Variants in PTPRD observed in about 807,000 individuals in gnomAD.
PTPRD encodes protein tyrosine phosphatase receptor type D.
Under a neutral mutation model 214.5 loss-of-function variants are expected in PTPRD, and 34 were observed. That is an observed-to-expected ratio of 0.16 (90% CI 0.12 to 0.21). PTPRD has a LOEUF of 0.21. PTPRD is among the 10% of genes least tolerant of loss of function. The probability of loss-of-function intolerance (pLI) is 1.00; values close to 1 mark genes in which losing one functional copy is unlikely to be tolerated. For missense variants in PTPRD, 2,545 were observed against 2,398.7 expected (o/e 1.06, Z -1.27); for synonymous variants, 1,128 against 845.7 (o/e 1.33, Z -5.79).
intron 10 of PTPRD, among the ~76,000 whole-genome samples, chr9:9,082,949 T>A (rs1314286695): frequency 1.3e-5 from 2 of 152,106 alleles, no homozygotes; most frequent in Non-Finnish European, 2.9e-5. Flanking sequence ...ATAGGAAGAA[T>A]CAATATCATG....
chr9:8,624,479 C>T (rs914266457), intron 14 of PTPRD, among the ~76,000 whole-genome samples: 1 of 151,950 alleles, frequency 6.6e-6, no homozygotes, highest in African/African-American at 2.4e-5. Flanking sequence ...TACTATGTGC[C>T]TAGCACTATT....
intron 9 of PTPRD, among the ~76,000 whole-genome samples, chr9:9,387,712 C>T (rs557837835): frequency 6.6e-6 from 1 of 152,210 alleles, no homozygotes; most frequent in Admixed American, 6.5e-5. Flanking sequence ...TCCTTTGTCC[C>T]CCTCTCAGGG....
At chr9:9,008,205 T>TTTTA (rs71317392) in intron 11 of PTPRD, among the ~76,000 whole-genome samples, 11,729 of 121,008 alleles carry the variant, frequency 0.097, 723 homozygotes, top group African/African-American at 0.15. Context: ...CTCCCCTTCA[T>TTTTA]TTTATTTATT....
At chr9:9,902,010 A>G (rs7866139) in intron 5 of PTPRD, among the ~76,000 whole-genome samples, 38,727 of 152,138 alleles carry the variant, frequency 0.25, 5,519 homozygotes, top group East Asian at 0.57. Context: ...TTAGTATCAT[A>G]TGAACTCTTT....
chr9:10,233,606 T>A (rs2099619437), intron 3 of PTPRD, among the ~76,000 whole-genome samples: 1 of 152,056 alleles, frequency 6.6e-6, no homozygotes, highest in Admixed American at 6.6e-5. Flanking sequence ...TTTTTCATTA[T>A]ATTTTACTTG....
intron 3 of PTPRD, among the ~76,000 whole-genome samples, chr9:10,076,140 G>A (rs1311757088): frequency 6.6e-6 from 1 of 152,024 alleles, no homozygotes; most frequent in Admixed American, 6.6e-5. Flanking sequence ...TTAAAGTACT[G>A]TATGTGGCCC....
intron 12 of PTPRD, among the ~76,000 whole-genome samples, chr9:8,663,864 T>A (rs879848617): frequency 4.0e-5 from 6 of 151,448 alleles, no homozygotes; most frequent in Non-Finnish European, 8.8e-5. Context: ...AATTAAAGTG[T>A]AGATATTACC....
chr9:10,553,111 A>G (rs1257111778), intron 2 of PTPRD, among the ~76,000 whole-genome samples: 1 of 152,186 alleles, frequency 6.6e-6, no homozygotes, highest in African/African-American at 2.4e-5. Context: ...TGAGAATCAC[A>G]GAAGCACATC....
chr9:8,318,557 G>T (rs1057491363), intron 45 of PTPRD, among the ~76,000 whole-genome samples: 1 of 152,042 alleles, frequency 6.6e-6, no homozygotes, highest in Admixed American at 6.6e-5. Context: ...CCAGAAGGTA[G>T]CTGGTGCGGC....
intron 8 of PTPRD, among the ~76,000 whole-genome samples, chr9:9,569,885 T>C (rs2085816703): frequency 6.6e-6 from 1 of 151,502 alleles, no homozygotes; most frequent in Non-Finnish European, 1.5e-5. Context: ...TCCAAAGGTG[T>C]GAAGAGGTGA....
At chr9:8,509,960 G>A (rs905418685) in intron 21 of PTPRD, among the ~76,000 whole-genome samples, 10 of 152,144 alleles carry the variant, frequency 6.6e-5, no homozygotes, top group South Asian at 4.2e-4. Flanking sequence ...GAAATGGTTC[G>A]GAGGTTAACT....
At chr9:9,722,495 T>C in intron 7 of PTPRD, among the ~76,000 whole-genome samples, 1 of 152,200 alleles carries the variant, frequency 6.6e-6, no homozygotes, top group Admixed American at 6.5e-5. Flanking sequence ...ATTGTTTCTA[T>C]TTTTTAGCTG....
intron 11 of PTPRD, among the ~76,000 whole-genome samples, chr9:8,900,722 G>A (rs7857074): frequency 0.82 from 124,712 of 152,124 alleles, 51,250 homozygotes; most frequent in East Asian, 0.98. Context: ...AGACAGTCTT[G>A]TTTGTAGTGA....
intron 5 of PTPRD, among the ~76,000 whole-genome samples, chr9:9,775,707 G>T (rs373941450): frequency 6.6e-6 from 1 of 152,126 alleles, no homozygotes; most frequent in Non-Finnish European, 1.5e-5. Context: ...ACTTTGGGAG[G>T]CCAAGGCGGG....
At chr9:8,768,016 G>C (rs990436439) in intron 11 of PTPRD, among the ~76,000 whole-genome samples, 2 of 152,166 alleles carry the variant, frequency 1.3e-5, no homozygotes, top group Non-Finnish European at 2.9e-5. Context: ...CAGAGGGAAA[G>C]AAAATATTTC....
intron 14 of PTPRD, among the ~76,000 whole-genome samples, chr9:8,584,452 GAA>G (rs72547113): frequency 0.016 from 2,253 of 145,354 alleles, 61 homozygotes; most frequent in East Asian, 0.14. Flanking sequence ...ATTAGTTACT[GAA>G]AAAAAAAAAA....
At chr9:8,445,239 G>T (rs942613511) in intron 34 of PTPRD, among the ~76,000 whole-genome samples, 3 of 152,006 alleles carry the variant, frequency 2.0e-5, no homozygotes, top group African/African-American at 7.2e-5. Context: ...ACTAATTCTG[G>T]CTGACCTTGT....
rs1035695839 is a variant in PTPRD at position 10,148,040 on chromosome 9, C to T, written c.-544-114250G>A. ...AGATATCCAAAAGTCAAGAGAAATACGACTTTCTAAATCCAGAGATTTTCT... is the reference window on the plus strand; with the variant it reads ...AGATATCCAAAAGTCAAGAGAAATATGACTTTCTAAATCCAGAGATTTTCT... On this transcript the variant is annotated intron_variant, in intron 3 of 45. Transcript: ENST00000381196. Among the ~76,000 whole-genome samples the T allele has an allele frequency of 8.5e-5, 13 of 152,126 alleles. No individual in the cohort carries two copies. In the East Asian group the frequency reaches 1.3e-3, roughly 16 times the overall value.
At chr9:9,259,574 C>T (rs1478400640) in intron 9 of PTPRD, among the ~76,000 whole-genome samples, 2 of 151,882 alleles carry the variant, frequency 1.3e-5, no homozygotes, top group African/African-American at 2.4e-5. Context: ...AAAGGAAGTA[C>T]ATCTGATTTG....
Sources: gnomAD v4.1 joint callset for allele counts (sites outside exome capture counted in the v4.1 genomes callset) on GRCh38, gnomAD v4.1.1 for gene constraint, MANE v1.5 for transcripts, NCBI Gene and HGNC (gene_info 2026-07-23, HGNC 2026-07-21) for gene names.